GRID2: variants seen among roughly 807,000 people sequenced by gnomAD.
GRID2 encodes the protein glutamate receptor ionotropic, delta-2.
A neutral mutation model predicts 114.8 loss-of-function variants in GRID2; 33 were observed. The ratio of observed to expected loss-of-function variants is 0.29; its 90% CI spans 0.22 to 0.38. GRID2 has a LOEUF of 0.38. Ranked by LOEUF, GRID2 falls within the 10% of genes least tolerant of loss-of-function variation. The pLI is 1.00. For missense variants in GRID2, 1,184 were observed against 1,257.7 expected (o/e 0.94, Z 0.89); for synonymous variants, 505 against 449.9 (o/e 1.12, Z -1.55).
At chr4:93,381,245 C>A (rs1763826452) in intron 8 of GRID2, among the ~76,000 whole-genome samples, 1 of 152,152 alleles carries the variant, frequency 6.6e-6, no homozygotes, top group Admixed American at 6.6e-5. Context: ...CCCTCTCTGT[C>A]CAGCCCGTGG....
chr4:93,778,582 G>A (rs1734418835), downstream of GRID2, among the ~76,000 whole-genome samples: 1 of 151,974 alleles, frequency 6.6e-6, no homozygotes, highest in African/African-American at 2.4e-5. Context: ...ATTTTTAATA[G>A]AGACAGGGTT....
intron 10 of GRID2, among the ~76,000 whole-genome samples, chr4:93,426,423 C>T (rs1477497241): frequency 6.6e-6 from 1 of 152,036 alleles, no homozygotes; most frequent in African/African-American, 2.4e-5. Flanking sequence ...CAAATTTATT[C>T]TATATAGATA....
At chr4:92,606,274 T>A (rs1326822459) in intron 2 of GRID2, among the ~76,000 whole-genome samples, 1 of 152,026 alleles carries the variant, frequency 6.6e-6, no homozygotes, top group East Asian at 1.9e-4. Flanking sequence ...ATACTTTGTT[T>A]TCTCCTGATC....
intron 2 of GRID2, among the ~76,000 whole-genome samples, chr4:93,039,080 A>G (rs1419625979): frequency 6.6e-6 from 1 of 152,188 alleles, no homozygotes; most frequent in East Asian, 1.9e-4. Context: ...AATGTCCATC[A>G]ATGATAGACT....
At chr4:93,408,517 C>A (rs1766766427) in intron 9 of GRID2, among the ~76,000 whole-genome samples, 1 of 151,894 alleles carries the variant, frequency 6.6e-6, no homozygotes. Flanking sequence ...AAATATGCAT[C>A]TTTATATTTT....
intron 1 of GRID2, among the ~76,000 whole-genome samples, chr4:92,561,732 A>G (rs919548772): frequency 2.0e-5 from 3 of 152,128 alleles, no homozygotes; most frequent in Admixed American, 6.5e-5. Context: ...CATTAGTTCT[A>G]ATTTTGAATG....
At chr4:93,679,460 A>C (rs1031638950) in intron 14 of GRID2, among the ~76,000 whole-genome samples, 2 of 150,864 alleles carry the variant, frequency 1.3e-5, no homozygotes, top group African/African-American at 4.9e-5. Flanking sequence ...TCCACCCCAA[A>C]TCAACAGAAT....
chr4:93,444,518 C>A (rs1311587041), intron 10 of GRID2, among the ~76,000 whole-genome samples: 1 of 151,746 alleles, frequency 6.6e-6, no homozygotes, highest in Non-Finnish European at 1.5e-5. Context: ...GTGGCAAAAC[C>A]CAAGAAACAC....
intron 14 of GRID2, among the ~76,000 whole-genome samples, chr4:93,664,750 TA>T (rs1398375771): frequency 6.6e-6 from 1 of 152,132 alleles, no homozygotes; most frequent in Non-Finnish European, 1.5e-5. Context: ...TGCCGTTTAT[TA>T]GCTGTGAGAT....
intron 2 of GRID2, among the ~76,000 whole-genome samples, chr4:92,624,556 A>G (rs1359183276): frequency 6.6e-6 from 1 of 151,806 alleles, no homozygotes; most frequent in Non-Finnish European, 1.5e-5. Context: ...TTTTTTCCAA[A>G]TTAGTTTTGA....
At chr4:92,838,611 A>G (rs1047874221) in intron 2 of GRID2, among the ~76,000 whole-genome samples, 2 of 152,250 alleles carry the variant, frequency 1.3e-5, no homozygotes, top group East Asian at 1.9e-4. Flanking sequence ...ACAAGCTTGC[A>G]TGTACATTTC....
intron 2 of GRID2, among the ~76,000 whole-genome samples, chr4:92,601,289 ACT>A (rs1053326828): frequency 6.6e-6 from 1 of 152,196 alleles, no homozygotes; most frequent in African/African-American, 2.4e-5. Flanking sequence ...GAAGTAACAC[ACT>A]CTTTAGCAAA....
intron 9 of GRID2, among the ~76,000 whole-genome samples, chr4:93,419,322 A>C (rs1200392429): frequency 6.6e-6 from 1 of 151,978 alleles, no homozygotes; most frequent in African/African-American, 2.4e-5. Flanking sequence ...TAAATGGATA[A>C]ATCAATGACT....
chr4:93,425,855 C>G (rs6820985), intron 10 of GRID2, among the ~76,000 whole-genome samples: 12,516 of 152,134 alleles, frequency 0.082, 1,296 homozygotes, highest in African/African-American at 0.24. Context: ...GGCTCTACCC[C>G]GTGCAGTTAT....
chr4:92,843,060 A>T (rs777758485), intron 2 of GRID2, among the ~76,000 whole-genome samples: 1 of 151,966 alleles, frequency 6.6e-6, no homozygotes, highest in African/African-American at 2.4e-5. Flanking sequence ...GCAATATAAT[A>T]AGACCCCATA....
chr4:93,298,928 TAGTG>T (rs1225063083), intron 8 of GRID2, among the ~76,000 whole-genome samples: 1 of 152,254 alleles, frequency 6.6e-6, no homozygotes, highest in East Asian at 1.9e-4. Flanking sequence ...TGGGACTCAT[TAGTG>T]AGTAATGAAA....
intron 13 of GRID2, among the ~76,000 whole-genome samples, chr4:93,526,607 C>T (rs1019780901): frequency 2.6e-5 from 4 of 152,214 alleles, no homozygotes; most frequent in East Asian, 1.9e-4. Flanking sequence ...GTCAGGAGTT[C>T]GAGACCAGCC....
chr4:92,943,036 C>G (rs904847871), intron 2 of GRID2, among the ~76,000 whole-genome samples: 3 of 152,122 alleles, frequency 2.0e-5, no homozygotes, highest in South Asian at 2.1e-4. Flanking sequence ...GTGAATCTGA[C>G]AATTATGTGT....
chr4:93,286,057 A>G (rs1406165363), intron 8 of GRID2, among the ~76,000 whole-genome samples: 2 of 152,140 alleles, frequency 1.3e-5, no homozygotes, highest in African/African-American at 4.8e-5. Context: ...ATAACAATAC[A>G]TGTCAGAAAA....
Sources: gnomAD v4.1 joint callset for allele counts (sites outside exome capture counted in the v4.1 genomes callset) on GRCh38, gnomAD v4.1.1 for gene constraint, MANE v1.5 for transcripts, NCBI Gene and HGNC (gene_info 2026-07-23, HGNC 2026-07-21) for gene names.